IQSEC1: variants seen among roughly 807,000 people sequenced by gnomAD.
The protein encoded by IQSEC1 is IQ motif and Sec7 domain ArfGEF 1.
A neutral mutation model predicts 91.0 loss-of-function variants in IQSEC1; 31 were observed. The ratio of observed to expected loss-of-function variants is 0.34; its 90% confidence interval spans 0.26 to 0.46. IQSEC1 has a LOEUF of 0.46. Among genes scored for constraint, IQSEC1 ranks in the 20% least tolerant of loss-of-function variants. The probability of loss-of-function intolerance (pLI) is 1.00; values close to 1 mark genes in which losing one functional copy is unlikely to be tolerated. For missense variants in IQSEC1, 1,388 were observed against 1,575.6 expected (o/e 0.88, Z 2.02); for synonymous variants, 699 against 662.6 (o/e 1.05, Z -0.84).
chr3:13,046,401 G>A (rs573472355), intron 1 of IQSEC1, among the ~76,000 whole-genome samples: 3 of 152,332 alleles, frequency 2.0e-5, no homozygotes, highest in Admixed American at 6.5e-5. Flanking sequence ...CTGGCTCAGG[G>A]AAGCAGGGCC....
chr3:13,131,007 A>T (rs566519318), intron 2 of IQSEC1, among the ~76,000 whole-genome samples: 5 of 145,348 alleles, frequency 3.4e-5, no homozygotes, highest in Non-Finnish European at 7.5e-5. Context: ...AGAAGGAGGG[A>T]AGGAAGGAAC....
Position 12,986,471 on chromosome 3 carries a change from A to G in IQSEC1, c.24-44606T>C, listed in dbSNP as rs115542616. On this transcript the variant is annotated intron_variant, in intron 1 of 13. Coordinates refer to ENST00000613206, the MANE Select transcript of IQSEC1 (RefSeq NM_001134382.3). ...GTGAGCCTCAGTTTCCTCATCTATG[A>G]AACAGGTGAATCTTTCCTACCTTGG... Among the ~76,000 whole-genome samples, 326 of 152,334 alleles carry G rather than the reference A, an allele frequency of 2.1e-3. 1 individual carries two copies. The highest frequency in any genetic ancestry group is 7.4e-3 in the African/African-American group (306 of 41,570).
chr3:13,239,613 A>G (rs568977538), intron 1 of IQSEC1, among the ~76,000 whole-genome samples: 2 of 152,366 alleles, frequency 1.3e-5, no homozygotes, highest in East Asian at 1.9e-4. Context: ...TAGATGGTCC[A>G]TGGGGGAGGC....
chr3:13,013,693 G>A (rs1267182287), intron 1 of IQSEC1, among the ~76,000 whole-genome samples: 1 of 152,062 alleles, frequency 6.6e-6, no homozygotes, highest in African/African-American at 2.4e-5. Flanking sequence ...GTCATATATT[G>A]CTTGACTCCC....
chr3:12,958,870 T>C (rs1231158095), intron 1 of IQSEC1, among the ~76,000 whole-genome samples: 1 of 152,180 alleles, frequency 6.6e-6, no homozygotes, highest in Non-Finnish European at 1.5e-5. Context: ...CATGCCAGGC[T>C]CTAAGCCCAG....
At chr3:13,256,902 G>A (rs1349642052) in intron 1 of IQSEC1, among the ~76,000 whole-genome samples, 1 of 151,740 alleles carries the variant, frequency 6.6e-6, no homozygotes, top group African/African-American at 2.4e-5. Flanking sequence ...CCAGCAGCCA[G>A]CGGCCCCTAT....
Position 12,901,335 on chromosome 3 carries a change from G to A in IQSEC1, c.2993C>T (p.Pro998Leu), listed in dbSNP as rs1265824142. The A allele has an allele frequency of 9.1e-5, 140 of 1,531,766 alleles. No individual in the cohort carries two copies. The highest frequency in any genetic ancestry group is 1.8e-4 in the Middle Eastern group (1 of 5,692). The allele number at this position is 1,531,766 out of a possible 1,614,324, so 94.9% of individuals were successfully genotyped here. ...GTGCTGCAAGTGAGGCAGGACCACCGGTGGGTGGGGGGGTGGCAGGGCTGG... is the reference window on the plus strand; with the variant it reads ...GTGCTGCAAGTGAGGCAGGACCACCAGTGGGTGGGGGGGTGGCAGGGCTGG... ...SAPALPPPHP[P>L]VVLPHLQHSV... The change falls in exon 14 of 14, where the codon CCG becomes CTG. Residue 998 changes from proline (P) to leucine (L), a missense_variant. This residue lies in a region of IQSEC1 where 329 missense variants were observed against 257.8 expected (regional missense o/e 1.28). Coordinates refer to ENST00000613206, the MANE Select transcript of IQSEC1 (RefSeq NM_001134382.3).
At chr3:13,144,849 G>A (rs1706861905) in intron 2 of IQSEC1, among the ~76,000 whole-genome samples, 1 of 152,246 alleles carries the variant, frequency 6.6e-6, no homozygotes. Context: ...GGCCTCTGAA[G>A]TCTGGAAGCA....
At position 12,947,831 on chromosome 3, in the gene IQSEC1, C is replaced by T. The variant is rs138615293; in HGVS notation, c.24-5966G>A. 2.6e-5 allele frequency among the ~76,000 whole-genome samples: 4 copies of T among 152,356 alleles called. No homozygotes were observed. The East Asian group carries it at 7.7e-4, about 29-fold the overall frequency. ...TCACTGAAAGGTCGCCAAGCTCTTC[C>T]CCCTTCTCCAGTTTTCCAAACATGT... On this transcript the variant is annotated intron_variant, in intron 1 of 13. Transcript: ENST00000613206.
chr3:12,941,453 C>T (rs1258729412), intron 2 of IQSEC1, 118 bp downstream of exon 2: 1 of 1,055,916 alleles, frequency 9.5e-7, no homozygotes, highest in Non-Finnish European at 1.3e-6. Flanking sequence ...CCTTAGCCCA[C>T]ATGCACCCCA....
At chr3:13,181,192 A>G (rs1693837501) in intron 1 of IQSEC1, among the ~76,000 whole-genome samples, 1 of 152,150 alleles carries the variant, frequency 6.6e-6, no homozygotes, top group Admixed American at 6.5e-5. Flanking sequence ...AATGGCGCAA[A>G]CTCGGGAGGT....
chr3:13,262,491 G>A (rs1008819980), intron 1 of IQSEC1, among the ~76,000 whole-genome samples: 1 of 152,114 alleles, frequency 6.6e-6, no homozygotes, highest in South Asian at 2.1e-4. Flanking sequence ...TGAGGGTTAC[G>A]CTAGGACGGA....
chr3:13,270,080 A>G (rs935818353), intron 1 of IQSEC1, among the ~76,000 whole-genome samples: 1 of 152,182 alleles, frequency 6.6e-6, no homozygotes, highest in Non-Finnish European at 1.5e-5. Context: ...CACCTCCACA[A>G]GGTGCCGGAT....
chr3:12,925,298 G>A lies in IQSEC1; in HGVS notation c.1569-556C>T, dbSNP rs370141105. 4.6e-4 allele frequency among the ~76,000 whole-genome samples: 70 copies of A among 152,302 alleles called. 2 individuals carry two copies. The highest frequency in any genetic ancestry group is 2.1e-3 in the East Asian group (11 of 5,182). Reference sequence around the variant, plus strand: ...TAATAACAGCAACCACAGCACCGGCGGGGAGAAATCGCTCTGTGCCGCCGC... The same window carrying A: ...TAATAACAGCAACCACAGCACCGGCAGGGAGAAATCGCTCTGTGCCGCCGC... On this transcript the variant is annotated intron_variant, in intron 3 of 13. Transcript: ENST00000613206.
chr3:12,927,726 C>G (rs999675983), intron 3 of IQSEC1, among the ~76,000 whole-genome samples: 9 of 152,256 alleles, frequency 5.9e-5, no homozygotes, highest in Non-Finnish European at 1.3e-4. Flanking sequence ...GGGCCAGGCA[C>G]CTCTTGGTGA....
chr3:13,200,272 C>A (rs1054686952), intron 1 of IQSEC1, among the ~76,000 whole-genome samples: 41 of 149,402 alleles, frequency 2.7e-4, no homozygotes, highest in African/African-American at 7.4e-4. Context: ...ACACACACAC[C>A]ACACACACAT....
chr3:12,966,186 T>C (rs1369179696), intron 1 of IQSEC1, among the ~76,000 whole-genome samples: 3 of 152,200 alleles, frequency 2.0e-5, no homozygotes, highest in Non-Finnish European at 4.4e-5. Flanking sequence ...AGCTGCAGCA[T>C]GCCTGGCCTC....
intron 1 of IQSEC1, among the ~76,000 whole-genome samples, chr3:13,060,112 C>A (rs574729113): frequency 6.6e-6 from 1 of 152,302 alleles, no homozygotes; most frequent in East Asian, 1.9e-4. Context: ...TTCCAAACAT[C>A]CTTGGGGGCA....
rs1431336910 is a variant in IQSEC1 at position 12,908,819 on chromosome 3, C to G, written c.2579-294G>C. Among the ~76,000 whole-genome samples, 2 of 151,958 alleles carry G rather than the reference C, an allele frequency of 1.3e-5. No homozygotes were observed. The highest frequency in any genetic ancestry group is 1.3e-4 in the Admixed American group (2 of 15,268). On this transcript the variant is annotated intron_variant, in intron 11 of 13. Coordinates refer to ENST00000613206, the MANE Select transcript of IQSEC1 (RefSeq NM_001134382.3). This position sits in a 1 kb window ranked among gnomAD's most constrained non-coding sequence, Gnocchi z 4.9. ...GACTTGCCTGGGTCTGAGAGATGAG[C>G]AAAGATTAGCCAGGGTCTTCCACAG...
Sources: gnomAD v4.1 joint callset for allele counts (sites outside exome capture counted in the v4.1 genomes callset) on GRCh38, gnomAD v4.1.1 for gene constraint, gnomAD v4.1.1 regional missense constraint, Gnocchi (gnomAD v3.1) non-coding constraint, MANE v1.5 for transcripts, NCBI Gene and HGNC (gene_info 2026-07-23, HGNC 2026-07-21) for gene names.